ZNF362: variants seen among roughly 807,000 people sequenced by gnomAD.
The protein encoded by ZNF362 is rotund homolog.
A neutral mutation model predicts 42.9 loss-of-function variants in ZNF362; 11 were observed. The observed-to-expected ratio is 0.26, with a 90% CI of 0.16 to 0.42. The LOEUF is 0.42. ZNF362 is among the 20% of genes least tolerant of loss of function. ZNF362 has a pLI of 1.00. For missense variants in ZNF362, 362 were observed against 576.2 expected, an observed-to-expected ratio of 0.63 and a Z score of 3.81; for synonymous variants, 255 against 257.3, an observed-to-expected ratio of 0.99 and a Z score of 0.09.
At chr1:33,161,209 C>T in the ZNF362 span, among the ~76,000 whole-genome samples, 1 of 152,184 alleles carries the variant, frequency 6.6e-6, no homozygotes, top group Non-Finnish European at 1.5e-5. This position sits in a 1 kb window ranked among gnomAD's most constrained non-coding sequence, Gnocchi z 4.3. Context: ...ATAAGCGTTT[C>T]CCGGAAGTCT....
chr1:33,191,735 C>A, the ZNF362 span, among the ~76,000 whole-genome samples: 1 of 152,246 alleles, frequency 6.6e-6, no homozygotes, highest in African/African-American at 2.4e-5. Context: ...GAACTCCTGA[C>A]CTCAGGTGAT....
chr1:33,136,106 G>A, the ZNF362 span, among the ~76,000 whole-genome samples: 3 of 144,330 alleles, frequency 2.1e-5, no homozygotes, highest in Admixed American at 6.8e-5. Flanking sequence ...TCCAGCCCAG[G>A]GGCCAGCCCT....
chr1:33,161,753 G>A, the ZNF362 span, among the ~76,000 whole-genome samples: 2 of 152,152 alleles, frequency 1.3e-5, no homozygotes, highest in African/African-American at 4.8e-5. This position sits in a 1 kb window ranked among gnomAD's most constrained non-coding sequence, Gnocchi z 4.3. Flanking sequence ...CAGGCGCCCA[G>A]ACTCCGCAGC....
At chr1:33,274,544 G>A (rs1249062757) in intron 2 of ZNF362, among the ~76,000 whole-genome samples, 1 of 152,206 alleles carries the variant, frequency 6.6e-6, no homozygotes, top group Non-Finnish European at 1.5e-5. Flanking sequence ...AGAGCATCTT[G>A]GTGCCTGTGG....
the ZNF362 span, among the ~76,000 whole-genome samples, chr1:33,236,531 TA>T: frequency 0.028 from 117 of 4,196 alleles, 7 homozygotes; most frequent in African/African-American, 0.045. Context: ...CTCTGCCTCT[TA>T]AAAAAAAAAA....
chr1:33,146,983 AAC>A, the ZNF362 span: 1 of 623,276 alleles, frequency 1.6e-6, no homozygotes, highest in Non-Finnish European at 2.8e-6. Flanking sequence ...AGAGCTACAG[AAC>A]ATCGATGCTG....
chr1:33,174,301 C>A, the ZNF362 span, among the ~76,000 whole-genome samples: 1 of 152,160 alleles, frequency 6.6e-6, no homozygotes, highest in Non-Finnish European at 1.5e-5. Context: ...CCCACCTCAG[C>A]CTCCCAAATA....
chr1:33,269,424 C>T (rs201056185), intron 1 of ZNF362, among the ~76,000 whole-genome samples: 1 of 152,152 alleles, frequency 6.6e-6, no homozygotes, highest in East Asian at 1.9e-4. Context: ...CTTTTTCTGA[C>T]GCAGGTTTTT....
the ZNF362 span, among the ~76,000 whole-genome samples, chr1:33,174,020 T>A: frequency 1.3e-5 from 2 of 151,988 alleles, no homozygotes; most frequent in Non-Finnish European, 2.9e-5. Flanking sequence ...TTAAAAAAAA[T>A]TTTATTGAGG....
At chr1:33,154,800 A>C in the ZNF362 span, among the ~76,000 whole-genome samples, 2 of 127,734 alleles carry the variant, frequency 1.6e-5, no homozygotes. Flanking sequence ...TCCGTATCCA[A>C]AAAAAAAAAG....
At chr1:33,290,717 C>T (rs1389220901) in intron 6 of ZNF362, among the ~76,000 whole-genome samples, 1 of 152,096 alleles carries the variant, frequency 6.6e-6, no homozygotes, top group Non-Finnish European at 1.5e-5. Context: ...ATATCCTCTC[C>T]AGCACCTGTT....
the ZNF362 span, chr1:33,159,684 T>G: frequency 6.2e-7 from 1 of 1,603,706 alleles, no homozygotes; most frequent in Non-Finnish European, 8.5e-7. This position sits in a 1 kb window ranked among gnomAD's most constrained non-coding sequence, Gnocchi z 4.2. Context: ...CGGGTGGCAC[T>G]TACCGCTCGG....
the ZNF362 span, among the ~76,000 whole-genome samples, chr1:33,227,893 G>T: frequency 1.4e-4 from 22 of 151,878 alleles, no homozygotes; most frequent in Non-Finnish European, 2.1e-4. Context: ...TTTACTGAGC[G>T]TGTTTCCTCA....
the ZNF362 span, among the ~76,000 whole-genome samples, chr1:33,197,941 G>A: frequency 6.6e-6 from 1 of 152,222 alleles, no homozygotes; most frequent in East Asian, 1.9e-4. Context: ...TTGAGGCACT[G>A]TGTAGAGCAC....
chr1:33,164,740 C>T, the ZNF362 span: 2 of 152,226 alleles, frequency 1.3e-5, no homozygotes, highest in Non-Finnish European at 2.9e-5. Flanking sequence ...GGGACATGCT[C>T]AGGATTGACT....
chr1:33,250,896 G>GAAGAAGAAGAAGA, the ZNF362 span, among the ~76,000 whole-genome samples: 35 of 39,916 alleles, frequency 8.8e-4, no homozygotes, highest in Non-Finnish European at 1.5e-3. Flanking sequence ...GAAGAAGAAG[G>GAAGAAGAAGAAGA]AGAAGAAGAA....
rs374737076 is a variant in ZNF362 at position 33,280,285 on chromosome 1, C to T, written c.511C>T (p.Pro171Ser). 6.2e-7 allele frequency: 1 copy of T among 1,614,000 alleles called. No homozygotes were observed. The highest frequency in any genetic ancestry group is 8.5e-7 in the Non-Finnish European group (1 of 1,179,962). ...CCTCATCTCAGGGATCACCAGCCCC[C>T]CTCTCCTGGACTCCATCAAGACAAT... ...PTLISGITSP[P>S]LLDSIKTIQG... Residue 171 changes from proline (P) to serine (S), a missense_variant, in exon 5 of 9, where the codon CCT becomes TCT. Transcript: ENST00000539719. The surrounding 1 kb of genome is among the most constrained non-coding windows in gnomAD (Gnocchi z 5.6).
intron 2 of ZNF362, 134 bp downstream of exon 2, chr1:33,270,746 G>C (rs1053710780): frequency 6.8e-7 from 1 of 1,468,200 alleles, no homozygotes; most frequent in African/African-American, 1.4e-5. Context: ...GGGGAGGTGT[G>C]TGCTTACCCT....
the ZNF362 span, among the ~76,000 whole-genome samples, chr1:33,237,125 C>T: frequency 1.3e-5 from 2 of 152,022 alleles, no homozygotes; most frequent in Admixed American, 6.6e-5. Context: ...TAAATATATA[C>T]AATTATTTTT....
Sources: gnomAD v4.1 joint callset for allele counts (sites outside exome capture counted in the v4.1 genomes callset) on GRCh38, gnomAD v4.1.1 for gene constraint, Gnocchi (gnomAD v3.1) non-coding constraint, MANE v1.5 for transcripts, NCBI Gene and HGNC (gene_info 2026-07-23, HGNC 2026-07-21) for gene names.